Variants in KCNB2 observed in about 807,000 individuals in gnomAD.
The protein encoded by KCNB2 is delayed rectifier potassium channel protein.
Under a neutral mutation model 61.5 loss-of-function variants are expected in KCNB2, and 15 were observed. The observed-to-expected ratio is 0.24, with a 90% CI of 0.16 to 0.38. The LOEUF (loss-of-function observed/expected upper bound fraction) is 0.38. KCNB2 is among the 10% of genes least tolerant of loss of function. The probability of loss-of-function intolerance (pLI) is 1.00; values close to 1 mark genes in which losing one functional copy is unlikely to be tolerated. For synonymous variants in KCNB2, 457 were observed against 446.0 expected (o/e 1.02, Z -0.31); for missense variants, 828 against 1,125.2 (o/e 0.74, Z 3.78).
intron 2 of KCNB2, among the ~76,000 whole-genome samples, chr8:72,780,824 T>C (rs1808740901): frequency 1.3e-5 from 2 of 152,214 alleles, no homozygotes; most frequent in African/African-American, 4.8e-5. Context: ...GTTGAACTAA[T>C]TTACATTCCT....
intron 2 of KCNB2, among the ~76,000 whole-genome samples, chr8:72,719,552 A>G (rs1318228560): frequency 6.6e-6 from 1 of 152,090 alleles, no homozygotes; most frequent in Non-Finnish European, 1.5e-5. Flanking sequence ...TTTCATATGT[A>G]TATTAAAAAA....
rs557749626 is a variant in KCNB2, at chr8:72,613,602, T to C, written c.579+45289T>C. ...TCTGTGGAGTGTGTTCAGTTGGTGA[T>C]ACATCATCCCTCAGTCTAAGCTGTA... On this transcript the variant is annotated intron_variant, in intron 2 of 2. Coordinates refer to ENST00000523207, the MANE Select transcript of KCNB2 (RefSeq NM_004770.3). Among the ~76,000 whole-genome samples the C allele has an allele frequency of 5.4e-4, 82 of 152,350 alleles. 1 individual carries two copies. Among genetic ancestry groups the C allele is most frequent in the Admixed American group, 1.1e-3 (17 of 15,292 alleles).
At chr8:72,751,596 A>G (rs929913182) in intron 2 of KCNB2, 1 of 152,202 alleles carries the variant, frequency 6.6e-6, no homozygotes, top group Non-Finnish European at 1.5e-5. Flanking sequence ...TCATAAGGAG[A>G]TGCCTCAGGA....
intron 2 of KCNB2, among the ~76,000 whole-genome samples, chr8:72,892,440 T>G (rs1805912808): frequency 6.6e-6 from 1 of 152,192 alleles, no homozygotes. Flanking sequence ...ACTTCATCCT[T>G]TTTTCCCATT....
At chr8:72,747,798 C>A (rs1563578569) in intron 2 of KCNB2, among the ~76,000 whole-genome samples, 1 of 152,154 alleles carries the variant, frequency 6.6e-6, no homozygotes, top group African/African-American at 2.4e-5. Flanking sequence ...AGGAAACGAA[C>A]AAGATAATTG....
chr8:72,776,012 C>G (rs1472212027), intron 2 of KCNB2, among the ~76,000 whole-genome samples: 2 of 152,110 alleles, frequency 1.3e-5, no homozygotes, highest in Non-Finnish European at 2.9e-5. Context: ...AAATGTCCAT[C>G]AGTGATAGAC....
At chr8:72,578,745 C>T (rs1431353938) in intron 2 of KCNB2, among the ~76,000 whole-genome samples, 1 of 152,120 alleles carries the variant, frequency 6.6e-6, no homozygotes, top group Non-Finnish European at 1.5e-5. Flanking sequence ...TATTTATGAA[C>T]TTAAAGAAAT....
At chr8:72,680,605 G>T (rs1272506409) in intron 2 of KCNB2, among the ~76,000 whole-genome samples, 1 of 152,150 alleles carries the variant, frequency 6.6e-6, no homozygotes, top group East Asian at 1.9e-4. Context: ...GTATTGAAGG[G>T]TAAGGAGAAT....
intron 1 of KCNB2, among the ~76,000 whole-genome samples, chr8:72,548,272 G>A (rs1806290298): frequency 6.6e-6 from 1 of 152,174 alleles, no homozygotes; most frequent in African/African-American, 2.4e-5. Flanking sequence ...TCTGAGGTAT[G>A]CTTGTATAAT....
chr8:72,937,403 C>T lies in KCNB2; in HGVS notation c.2048C>T (p.Ser683Phe). ...ACTGTGAACCTCGATGCCAGTGGCT[C>T]CCAGTGTGGGCTACATAGTCCTTTG... The part of the protein sequence containing the change: ...DITVNLDASG[S>F]QCGLHSPLQS... Residue 683 changes from serine to phenylalanine, a missense_variant, in exon 3 of 3, where the codon TCC becomes TTC. Coordinates refer to ENST00000523207, the MANE Select transcript of KCNB2 (RefSeq NM_004770.3). 1 of 1,614,068 alleles carries T rather than the reference C, an allele frequency of 6.2e-7. No individual in the cohort carries two copies. Among genetic ancestry groups the T allele is most frequent in the Non-Finnish European group, 8.5e-7 (1 of 1,180,002 alleles).
At chr8:72,662,446 G>A (rs1028661094) in intron 2 of KCNB2, among the ~76,000 whole-genome samples, 9 of 152,086 alleles carry the variant, frequency 5.9e-5, no homozygotes, top group South Asian at 4.1e-4. Flanking sequence ...TGATAATATC[G>A]CATGACACTG....
Position 72,777,662 on chromosome 8 carries a change from A to T in KCNB2, c.580-158273A>T, listed in dbSNP as rs368423438. ...ATGTGCAATATGGTTATATTACTAAATATACTCTTTAAAAATTGTGTTTGT... is the reference window on the plus strand; with the variant it reads ...ATGTGCAATATGGTTATATTACTAATTATACTCTTTAAAAATTGTGTTTGT... On this transcript the variant is annotated intron_variant, in intron 2 of 2. Coordinates refer to ENST00000523207, the MANE Select transcript of KCNB2 (RefSeq NM_004770.3). 6.6e-5 allele frequency among the ~76,000 whole-genome samples: 10 copies of T among 152,336 alleles called. No homozygotes were observed. In the South Asian group the frequency reaches 2.1e-3, roughly 32 times the overall value.
At chr8:72,907,700 A>G (rs908844955) in intron 2 of KCNB2, among the ~76,000 whole-genome samples, 11 of 152,232 alleles carry the variant, frequency 7.2e-5, no homozygotes, top group African/African-American at 2.7e-4. Context: ...TGCCAAATGT[A>G]GGCTCGAAAG....
intron 2 of KCNB2, among the ~76,000 whole-genome samples, chr8:72,679,741 A>T (rs960172709): frequency 1.3e-5 from 2 of 152,168 alleles, no homozygotes; most frequent in African/African-American, 4.8e-5. Context: ...AGCCCCTGAG[A>T]CCTGGCATCA....
chr8:72,718,779 G>A (rs918615567), intron 2 of KCNB2, among the ~76,000 whole-genome samples: 7 of 152,024 alleles, frequency 4.6e-5, no homozygotes, highest in Admixed American at 2.0e-4. Flanking sequence ...AAACCTGTAC[G>A]TTGTGCGCAT....
At chr8:72,850,685 C>T (rs1014316127) in intron 2 of KCNB2, among the ~76,000 whole-genome samples, 5 of 152,248 alleles carry the variant, frequency 3.3e-5, no homozygotes, top group Admixed American at 6.5e-5. Flanking sequence ...CATAATCCAG[C>T]TAGTGTGTAG....
At chr8:72,765,898 G>A (rs996746906) in intron 2 of KCNB2, among the ~76,000 whole-genome samples, 1 of 152,230 alleles carries the variant, frequency 6.6e-6, no homozygotes, top group Admixed American at 6.5e-5. Context: ...ACCAGGCTGT[G>A]AGAACTTCTC....
intron 1 of KCNB2, among the ~76,000 whole-genome samples, chr8:72,558,825 C>T (rs895501347): frequency 3.4e-4 from 12 of 34,866 alleles, no homozygotes; most frequent in African/African-American, 3.2e-3. Flanking sequence ...TGAAAGGTAC[C>T]TGGTTCTAAA....
intron 2 of KCNB2, among the ~76,000 whole-genome samples, chr8:72,924,264 C>T (rs551880619): frequency 6.6e-6 from 1 of 152,286 alleles, no homozygotes; most frequent in East Asian, 1.9e-4. Flanking sequence ...AGAACCTCTA[C>T]ACAGTGTTGA....
Sources: gnomAD v4.1 joint callset for allele counts (sites outside exome capture counted in the v4.1 genomes callset) on GRCh38, gnomAD v4.1.1 for gene constraint, MANE v1.5 for transcripts, NCBI Gene and HGNC (gene_info 2026-07-23, HGNC 2026-07-21) for gene names.